LRRC4C: variants seen among roughly 807,000 people sequenced by gnomAD.
The protein encoded by LRRC4C is leucine-rich repeat-containing protein 4C.
LRRC4C carries 5 observed loss-of-function variants against 33.6 expected under a neutral mutation model. The observed-to-expected ratio is 0.15, with a 90% confidence interval of 0.08 to 0.31. The LOEUF is 0.31. Among genes scored for constraint, LRRC4C ranks in the 10% least tolerant of loss-of-function variants. The probability of loss-of-function intolerance (pLI) is 1.00; values close to 1 mark genes in which losing one functional copy is unlikely to be tolerated. For synonymous variants in LRRC4C, 329 were observed against 302.0 expected (o/e 1.09, Z -0.93); for missense variants, 560 against 796.7 (o/e 0.70, Z 3.58).
intron 1 of LRRC4C, among the ~76,000 whole-genome samples, chr11:41,307,066 A>T (rs1950524799): frequency 6.6e-6 from 1 of 152,246 alleles, no homozygotes; most frequent in Non-Finnish European, 1.5e-5. Context: ...ATATTTAAGC[A>T]GCTCAAGAGA....
chr11:41,410,213 C>T (rs989920443), intron 1 of LRRC4C, among the ~76,000 whole-genome samples: 12 of 152,238 alleles, frequency 7.9e-5, no homozygotes, highest in African/African-American at 2.9e-4. Flanking sequence ...TATAACAATA[C>T]TGTTATTGAT....
intron 1 of LRRC4C, among the ~76,000 whole-genome samples, chr11:41,040,418 A>G (rs1267749061): frequency 6.6e-5 from 10 of 152,210 alleles, no homozygotes; most frequent in East Asian, 1.9e-4. Flanking sequence ...AAGTGTACAC[A>G]TGCACAAAAG....
At chr11:40,209,797 T>A (rs1590717053) in intron 5 of LRRC4C, among the ~76,000 whole-genome samples, 1 of 152,208 alleles carries the variant, frequency 6.6e-6, no homozygotes, top group East Asian at 1.9e-4. Flanking sequence ...TTAATTCTAG[T>A]GAAAAAGAAT....
intron 1 of LRRC4C, among the ~76,000 whole-genome samples, chr11:41,041,813 C>T (rs528957140): frequency 1.4e-4 from 22 of 152,248 alleles, no homozygotes; most frequent in African/African-American, 4.3e-4. Context: ...CACAGCCTCA[C>T]GCTTGTACTC....
At chr11:41,274,324 A>C (rs770591949) in intron 1 of LRRC4C, among the ~76,000 whole-genome samples, 5 of 152,142 alleles carry the variant, frequency 3.3e-5, no homozygotes, top group Non-Finnish European at 5.9e-5. Flanking sequence ...TTCAGTGTTG[A>C]GAATAAACTC....
At chr11:41,068,417 A>G (rs1938426260) in intron 1 of LRRC4C, among the ~76,000 whole-genome samples, 1 of 152,080 alleles carries the variant, frequency 6.6e-6, no homozygotes, top group African/African-American at 2.4e-5. Flanking sequence ...AAAATAAATA[A>G]ATAAAATAAA....
intron 1 of LRRC4C, among the ~76,000 whole-genome samples, chr11:41,083,985 A>G (rs1939771057): frequency 6.6e-6 from 1 of 152,228 alleles, no homozygotes. Context: ...TCTCCTTTGC[A>G]TAGAACTCTC....
intron 3 of LRRC4C, among the ~76,000 whole-genome samples, chr11:40,338,716 T>A (rs1291646812): frequency 6.6e-6 from 1 of 152,200 alleles, no homozygotes. Flanking sequence ...AGGGAATTTG[T>A]TAATATTACC....
intron 3 of LRRC4C, among the ~76,000 whole-genome samples, chr11:40,437,463 G>A (rs1265419971): frequency 1.3e-5 from 2 of 150,828 alleles, no homozygotes; most frequent in African/African-American, 2.4e-5. Context: ...GCACAATCCC[G>A]GCTCACTGTA....
chr11:40,786,256 C>T (rs992129973), intron 2 of LRRC4C, among the ~76,000 whole-genome samples: 1 of 152,118 alleles, frequency 6.6e-6, no homozygotes, highest in African/African-American at 2.4e-5. Context: ...GTCTTCCCCA[C>T]CTTTTGACTT....
At chr11:41,097,122 C>T (rs1228777591) in intron 1 of LRRC4C, among the ~76,000 whole-genome samples, 1 of 152,078 alleles carries the variant, frequency 6.6e-6, no homozygotes, top group African/African-American at 2.4e-5. Context: ...CAGGAAAGAG[C>T]CTTGAAGGCA....
chr11:40,991,785 G>C (rs1451057341), intron 1 of LRRC4C, among the ~76,000 whole-genome samples: 1 of 152,128 alleles, frequency 6.6e-6, no homozygotes, highest in Non-Finnish European at 1.5e-5. Context: ...GCCCCTGCTG[G>C]TCCGACAGGA....
At chr11:40,868,129 C>T (rs961512475) in intron 2 of LRRC4C, among the ~76,000 whole-genome samples, 2 of 151,990 alleles carry the variant, frequency 1.3e-5, no homozygotes, top group East Asian at 1.9e-4. Context: ...GCATCACAAG[C>T]TAATTGTTTT....
chr11:40,906,871 T>C (rs1956444944), intron 2 of LRRC4C, among the ~76,000 whole-genome samples: 1 of 152,220 alleles, frequency 6.6e-6, no homozygotes. Context: ...AAAACACTAA[T>C]ACTTGATCTC....
At chr11:40,119,135 TAGAGA>T (rs1855643670) in intron 6 of LRRC4C, among the ~76,000 whole-genome samples, 1 of 152,126 alleles carries the variant, frequency 6.6e-6, no homozygotes, top group South Asian at 2.1e-4. Context: ...CTACAGAAGG[TAGAGA>T]AGAGGCTTTT....
intron 2 of LRRC4C, among the ~76,000 whole-genome samples, chr11:40,877,353 C>T (rs1054793874): frequency 7.9e-5 from 12 of 152,092 alleles, no homozygotes; most frequent in Non-Finnish European, 1.2e-4. Flanking sequence ...TTGTTGCCCA[C>T]GAAGGTGCAC....
chr11:41,375,635 T>A (rs181643143), intron 1 of LRRC4C, among the ~76,000 whole-genome samples: 17 of 152,318 alleles, frequency 1.1e-4, no homozygotes, highest in Admixed American at 7.8e-4. Context: ...GCACAGTTAC[T>A]GCCTGGATCA....
rs150211794 is a variant in LRRC4C, at chr11:41,044,131, C to G, written c.-495-110408G>C. Reference sequence around the variant, plus strand: ...CCAAATTGTGAGTGTTACATGTTCCCAGGAAAATCTGAGCTGAACATAATG... The same window carrying G: ...CCAAATTGTGAGTGTTACATGTTCCGAGGAAAATCTGAGCTGAACATAATG... On this transcript the variant is annotated intron_variant, in intron 1 of 6. Coordinates refer to ENST00000528697, the MANE Select transcript of LRRC4C (RefSeq NM_001258419.2). 1.6e-3 allele frequency among the ~76,000 whole-genome samples: 243 copies of G among 152,128 alleles called. 2 individuals are homozygous for G. Among genetic ancestry groups the G allele is most frequent in the African/African-American group, 5.4e-3 (226 of 41,506 alleles).
chr11:40,376,775 T>G (rs1020233273), intron 3 of LRRC4C, among the ~76,000 whole-genome samples: 4 of 150,798 alleles, frequency 2.7e-5, no homozygotes, highest in African/African-American at 9.8e-5. Flanking sequence ...AGTGGGGGAG[T>G]TAAATGTGTC....
Sources: gnomAD v4.1 joint callset for allele counts (sites outside exome capture counted in the v4.1 genomes callset) on GRCh38, gnomAD v4.1.1 for gene constraint, MANE v1.5 for transcripts, NCBI Gene and HGNC (gene_info 2026-07-23, HGNC 2026-07-21) for gene names.